ZNF227: variants seen among roughly 807,000 people sequenced by gnomAD.
The protein encoded by ZNF227 is zinc finger protein 227.
Under a neutral mutation model 13.2 loss-of-function variants are expected in ZNF227, and 12 were observed. The ratio of observed to expected loss-of-function variants is 0.91; its 90% CI spans 0.58 to 1.47. The LOEUF is 1.47. Ranked by LOEUF, ZNF227 falls within the 40% of genes most tolerant of loss-of-function variation. The pLI, the probability that ZNF227 is intolerant of heterozygous loss-of-function variation, is 0.00. For missense variants in ZNF227, 885 were observed against 967.5 expected (o/e 0.91, Z 1.13); for synonymous variants, 338 against 326.0 (o/e 1.04, Z -0.40).
chr19:44,235,233 A>T lies in ZNF227; in HGVS notation c.803A>T (p.His268Leu). The stretch of plus-strand genomic sequence containing the variant: ...AGTTATAGCCCAAGGCTTCCCCTTC[A>T]TCCGAATGTTCATACAGGAGAAAAA... ...GFSYSPRLPL[H>L]PNVHTGEKCF... Residue 268 changes from histidine (H) to leucine (L), a missense_variant, in exon 6 of 6, where the codon CAT becomes CTT. By Grantham distance (99) the His-to-Leu change is moderately conservative. Coordinates refer to ENST00000313040, the MANE Select transcript of ZNF227 (RefSeq NM_182490.3). The T allele has an allele frequency of 6.2e-7, 1 of 1,614,144 alleles. No homozygotes were observed. Among genetic ancestry groups the T allele is most frequent in the Non-Finnish European group, 8.5e-7 (1 of 1,180,010 alleles).
chr19:44,235,654 T>C lies in ZNF227; in HGVS notation c.1224T>C (p.Tyr408=), dbSNP rs1219379676. Residue 408 remains tyrosine (Y), a synonymous_variant, in exon 6 of 6, where the codon TAT becomes TAC. Transcript: ENST00000313040. ...GGGTCCACAGGGGTGAGAAGCCCTA[T>C]AAATGTGAGGAATGTGGTAAGGGCT... The part of the protein sequence containing the change: ...HQRVHRGEKP[Y]KCEECGKGFT... The C allele has an allele frequency of 7.4e-6, 12 of 1,613,818 alleles. No homozygotes were observed. The African/African-American group carries it at 1.6e-4, about 22-fold the overall frequency.
At chr19:44,228,784 T>G (rs1973465886) in intron 4 of ZNF227, 1 of 522,306 alleles carries the variant, frequency 1.9e-6, no homozygotes, top group African/African-American at 2.0e-5. Context: ...CCATGGGTGA[T>G]TTCGCCCCCA....
At position 44,236,719 on chromosome 19, in the gene ZNF227, G is replaced by T; in HGVS notation, c.2289G>T (p.Gln763His). 6.2e-7 allele frequency: 1 copy of T among 1,614,056 alleles called. No homozygotes were observed. Among genetic ancestry groups the T allele is most frequent in the East Asian group, 2.2e-5 (1 of 44,856 alleles). Reference sequence around the variant, plus strand: ...AGAGTGCACGTCTTGAAGCCCATCAGAGAGTCCACACTGGAGAAAAACCAT... The same window carrying T: ...AGAGTGCACGTCTTGAAGCCCATCATAGAGTCCACACTGGAGAAAAACCAT... ...FSQSARLEAH[Q>H]RVHTGEKPYK... The change falls in exon 6 of 6, where the codon CAG becomes CAT. Residue 763 changes from glutamine to histidine, a missense_variant. Transcript: ENST00000313040.
At chr19:44,227,603 G>C (rs968812721) in intron 3 of ZNF227, among the ~76,000 whole-genome samples, 1 of 152,154 alleles carries the variant, frequency 6.6e-6, no homozygotes, top group Admixed American at 6.6e-5. Flanking sequence ...CCAGGCTGAA[G>C]TGCAGTGGCA....
Position 44,236,050 on chromosome 19 carries a change from A to G in ZNF227, c.1620A>G (p.Arg540=). 1 of 1,614,110 alleles carries G rather than the reference A, an allele frequency of 6.2e-7. No homozygotes were observed. Among genetic ancestry groups the G allele is most frequent in the South Asian group, 1.1e-5 (1 of 91,080 alleles). ...CCTCAAAGCTTCAAACCCATCAGCG[A>G]GTCCACACTGGAGAGAAACCATATA... ...SQSSKLQTHQ[R]VHTGEKPYRC... The change falls in exon 6 of 6, where the codon CGA becomes CGG. Residue 540 remains arginine, a synonymous_variant. Transcript: ENST00000313040.
upstream of ZNF227, chr19:44,207,635 G>GA (rs1356790036): frequency 6.6e-6 from 1 of 152,354 alleles, no homozygotes; most frequent in Non-Finnish European, 1.5e-5. Flanking sequence ...CCTCGTCAGG[G>GA]AGCAAGCGGG....
At chr19:44,214,369 T>G (rs1240297533) in intron 2 of ZNF227, among the ~76,000 whole-genome samples, 1 of 151,010 alleles carries the variant, frequency 6.6e-6, no homozygotes, top group African/African-American at 2.4e-5. Context: ...AAAATTTTCT[T>G]TTTTCTTTTT....
chr19:44,212,035 G>A (rs1971398145), upstream of ZNF227, among the ~76,000 whole-genome samples: 1 of 151,072 alleles, frequency 6.6e-6, no homozygotes, highest in African/African-American at 2.4e-5. Flanking sequence ...GACTACAGGC[G>A]CGCGCCACCA....
chr19:44,223,750 G>T (rs1487204787), intron 3 of ZNF227, among the ~76,000 whole-genome samples: 1 of 151,634 alleles, frequency 6.6e-6, no homozygotes, highest in African/African-American at 2.4e-5. Context: ...AGGGTTTTTT[G>T]TGTCTCTATT....
rs892317370 is a variant in ZNF227, at chr19:44,226,722, T to C, written c.61-1724T>C. Among the ~76,000 whole-genome samples the C allele has an allele frequency of 3.9e-5, 6 of 152,186 alleles. No homozygotes were observed. The South Asian group carries it at 8.3e-4, about 21-fold the overall frequency. On this transcript the variant is annotated intron_variant, in intron 3 of 5. Transcript: ENST00000313040. ...AAGGGAACTCCTTGACCCCTTGTGC[T>C]TCCCAAGTGAGGCAATGCCTCACCC...
chr19:44,230,926 A>AAAAAAAAAAAAAAAAAAATATAT (rs1555792168), intron 5 of ZNF227, among the ~76,000 whole-genome samples: 2 of 68,114 alleles, frequency 2.9e-5, no homozygotes, highest in East Asian at 4.0e-4. Context: ...AAAAAAAAAA[A>AAAAAAAAAAAAAAAAAAATATAT]ATATATATAT....
intron 3 of ZNF227, among the ~76,000 whole-genome samples, chr19:44,220,449 CT>C (rs968049570): frequency 0.035 from 5,035 of 144,400 alleles, 243 homozygotes; most frequent in African/African-American, 0.11. Flanking sequence ...CTGTTGTTTC[CT>C]TTTTTTTTTT....
intron 3 of ZNF227, among the ~76,000 whole-genome samples, chr19:44,224,126 G>A (rs932187317): frequency 6.6e-6 from 1 of 152,234 alleles, no homozygotes. Context: ...TGTGGTCTGA[G>A]AGACAGACAG....
At chr19:44,219,598 G>A (rs1207724821) in intron 3 of ZNF227, among the ~76,000 whole-genome samples, 2 of 152,044 alleles carry the variant, frequency 1.3e-5, no homozygotes, top group South Asian at 2.1e-4. Flanking sequence ...TACTTATATT[G>A]TCAATGACTT....
rs751331315 is a variant in ZNF227, at chr19:44,236,001, CGT to C, written c.1575_1576del (p.Cys525TrpfsTer24). ...GGGGAGAAACGATTCAAGTGTGAAA[CGT>C]GTGGGAAGGGCTTCAGTCAGTCCTC... On this transcript the variant is annotated frameshift_variant, in exon 6 of 6. Transcript: ENST00000313040. LOFTEE classifies it low-confidence loss of function (END_TRUNC). 1.2e-6 allele frequency: 2 copies of C among 1,610,578 alleles called. No individual in the cohort carries two copies. Among genetic ancestry groups the C allele is most frequent in the African/African-American group, 2.7e-5 (2 of 73,660 alleles).
chr19:44,235,537 C>T lies in ZNF227; in HGVS notation c.1107C>T (p.Cys369=), dbSNP rs1327026419. ...TTAGTCAAAGTTCAAATTTTCAGTG[C>T]CATCAGAGAGTCCACACTGAAGAAA... is the stretch of plus-strand genomic sequence containing the variant. ...KCFSQSSNFQ[C]HQRVHTEEKP... is the part of the protein sequence containing the mutation. Residue 369 remains cysteine (C), a synonymous_variant, in exon 6 of 6, where the codon TGC becomes TGT. Transcript: ENST00000313040. 8 of 1,614,086 alleles carry T rather than the reference C, an allele frequency of 5.0e-6. No homozygotes were observed. The highest frequency in any genetic ancestry group is 1.7e-6 in the Non-Finnish European group (2 of 1,180,018).
intron 3 of ZNF227, among the ~76,000 whole-genome samples, 173 bp downstream of exon 3, chr19:44,218,025 AAC>A (rs778601307): frequency 2.0e-4 from 31 of 152,246 alleles, no homozygotes; most frequent in Non-Finnish European, 4.4e-4. Context: ...TATTTTACAA[AAC>A]AGTGTTTGAA....
chr19:44,228,171 C>A, intron 3 of ZNF227: 1 of 260,500 alleles, frequency 3.8e-6, no homozygotes, highest in Non-Finnish European at 7.2e-6. Context: ...GCGGAGGTTG[C>A]AGTGAGCAGA....
upstream of ZNF227, chr19:44,207,794 G>T (rs1971244589): frequency 6.6e-6 from 1 of 152,334 alleles, no homozygotes; most frequent in Non-Finnish European, 1.5e-5. Context: ...TGGATCGGTT[G>T]TCGCTTGGTT....
Sources: gnomAD v4.1 joint callset for allele counts (sites outside exome capture counted in the v4.1 genomes callset) on GRCh38, gnomAD v4.1.1 for gene constraint, MANE v1.5 for transcripts, NCBI Gene and HGNC (gene_info 2026-07-23, HGNC 2026-07-21) for gene names.